MAP4K4: variants seen among roughly 807,000 people sequenced by gnomAD.
MAP4K4 encodes the protein mitogen-activated protein kinase kinase kinase kinase 4, also known as HPK/GCK-like kinase HGK.
In MAP4K4, 38 loss-of-function variants were observed where a neutral mutation model predicts 189.6. That is an observed-to-expected ratio of 0.20 (90% confidence interval 0.15 to 0.26). MAP4K4 has a LOEUF of 0.26. MAP4K4 is among the 10% of genes least tolerant of loss of function. The probability of loss-of-function intolerance (pLI) is 1.00; values close to 1 mark genes in which losing one functional copy is unlikely to be tolerated. For synonymous variants in MAP4K4, 610 were observed against 624.3 expected (o/e 0.98, Z 0.34); for missense variants, 1,054 against 1,726.9 (o/e 0.61, Z 6.91).
At chr2:101,880,933 C>A (rs2098369882) in intron 27 of MAP4K4, among the ~76,000 whole-genome samples, 1 of 152,134 alleles carries the variant, frequency 6.6e-6, no homozygotes, top group Admixed American at 6.6e-5. Context: ...GTCAGTCTTT[C>A]AACTTTGTTC....
In MAP4K4 at chr2:101,859,097, C is replaced by T; in HGVS notation, c.1482+15C>T. 6.2e-7 allele frequency: 1 copy of T among 1,602,854 alleles called. No individual in the cohort carries two copies. Among genetic ancestry groups the T allele is most frequent in the Non-Finnish European group, 8.5e-7 (1 of 1,171,448 alleles). On this transcript the variant is annotated intron_variant, in intron 14 of 32. Coordinates refer to ENST00000324219, the Ensembl canonical transcript of MAP4K4. ...CCATGTTACTGGTAAAGCCCCGCCT[C>T]TGTTTCATTCTGTAGCATCAGGGCT...
intron 28 of MAP4K4, 98 bp from the exon 29 acceptor site, chr2:101,885,089 C>A: frequency 1.9e-6 from 1 of 522,848 alleles, no homozygotes; most frequent in Non-Finnish European, 3.5e-6. Flanking sequence ...GAATAGAAGG[C>A]ATATTTATAA....
chr2:101,698,004 G>T (rs1558977730), exon 1 of MAP4K4: 2 of 1,030,412 alleles, frequency 1.9e-6, no homozygotes, highest in Non-Finnish European at 2.6e-6. Context: ...CGCGGTCGGC[G>T]GCCTGGTCTG....
intron 3 of MAP4K4, 116 bp from the exon 4 acceptor site, chr2:101,823,812 T>G (rs1471500868): frequency 1.2e-6 from 1 of 840,956 alleles, no homozygotes; most frequent in East Asian, 2.9e-5. Context: ...TATATGTGCC[T>G]CTGCTCCTGG....
chr2:101,820,021 AAT>A (rs2095947823), intron 3 of MAP4K4, among the ~76,000 whole-genome samples: 1 of 152,176 alleles, frequency 6.6e-6, no homozygotes. Context: ...TAAGAACTAA[AAT>A]GTGTGCTTGA....
At chr2:101,803,549 T>C (rs1575824918) in intron 3 of MAP4K4, among the ~76,000 whole-genome samples, 1 of 152,192 alleles carries the variant, frequency 6.6e-6, no homozygotes, top group African/African-American at 2.4e-5. Flanking sequence ...CAATAACTGC[T>C]TTCCAGTTTA....
In MAP4K4 at chr2:101,824,069, C is replaced by T. The variant is rs754756039; in HGVS notation, c.306+16C>T. ...CCAACTCTGGGTAGGTGGATGTTTC[C>T]TGAGCATTTGTGGGCATTCCATTTG... On this transcript the variant is annotated intron_variant, in intron 4 of 32. Transcript: ENST00000324219. 1 of 1,301,076 alleles carries T rather than the reference C, an allele frequency of 7.7e-7. No homozygotes were observed. The highest frequency in any genetic ancestry group is 1.0e-6 in the Non-Finnish European group (1 of 1,002,242). The allele number at this position is 1,301,076 out of a possible 1,614,324, so 80.6% of individuals were successfully genotyped here. A position where few individuals can be genotyped will look rare whatever the true frequency, so the allele number is the denominator to read the frequency against.
intron 2 of MAP4K4, among the ~76,000 whole-genome samples, chr2:101,699,858 AAGAG>A (rs2037267511): frequency 6.6e-6 from 1 of 152,202 alleles, no homozygotes; most frequent in Admixed American, 6.5e-5. Flanking sequence ...TTGAATTTGA[AAGAG>A]AGCCCCGTTA....
At chr2:101,789,141 A>G (rs965673437) in intron 2 of MAP4K4, among the ~76,000 whole-genome samples, 2 of 152,192 alleles carry the variant, frequency 1.3e-5, no homozygotes, top group African/African-American at 4.8e-5. Context: ...TTTGGAAATA[A>G]ACTCACTGCA....
At chr2:101,702,228 G>C (rs2039245908) in intron 2 of MAP4K4, among the ~76,000 whole-genome samples, 1 of 152,080 alleles carries the variant, frequency 6.6e-6, no homozygotes, top group South Asian at 2.1e-4. Context: ...CTGTTATTTT[G>C]CATTTTGTGA....
chr2:101,725,629 G>A (rs1047170601), intron 2 of MAP4K4, among the ~76,000 whole-genome samples: 1 of 152,178 alleles, frequency 6.6e-6, no homozygotes, highest in African/African-American at 2.4e-5. Context: ...TGAGTGGAAT[G>A]TCATGATGGC....
chr2:101,822,724 C>T (rs771222740), intron 3 of MAP4K4, among the ~76,000 whole-genome samples: 16 of 152,216 alleles, frequency 1.1e-4, no homozygotes, highest in Non-Finnish European at 1.6e-4. Flanking sequence ...CGTACACACA[C>T]GTCTAGGCTA....
intron 2 of MAP4K4, among the ~76,000 whole-genome samples, chr2:101,715,762 T>C (rs1286107550): frequency 6.6e-6 from 1 of 152,174 alleles, no homozygotes; most frequent in Non-Finnish European, 1.5e-5. Context: ...ACTTCTGAGT[T>C]TCAGACAAGT....
At chr2:101,767,303 A>C (rs1286861929) in intron 2 of MAP4K4, among the ~76,000 whole-genome samples, 1 of 152,164 alleles carries the variant, frequency 6.6e-6, no homozygotes, top group Non-Finnish European at 1.5e-5. Context: ...ACATACTTGC[A>C]AATATGTTAT....
At chr2:101,746,521 C>G (rs183492383) in intron 2 of MAP4K4, among the ~76,000 whole-genome samples, 122 of 152,142 alleles carry the variant, frequency 8.0e-4, no homozygotes, top group African/African-American at 2.8e-3. Flanking sequence ...GAGTCACAGA[C>G]AGGAAGCTGA....
intron 2 of MAP4K4, among the ~76,000 whole-genome samples, chr2:101,723,666 G>A (rs2149475232): frequency 6.6e-6 from 1 of 152,290 alleles, no homozygotes; most frequent in South Asian, 2.1e-4. Flanking sequence ...TTGAAGGTTT[G>A]AAGTATTAAC....
At chr2:101,864,759 C>T (rs1471350393) in intron 17 of MAP4K4, among the ~76,000 whole-genome samples, 171 bp from the exon 18 acceptor site, 1 of 152,132 alleles carries the variant, frequency 6.6e-6, no homozygotes, top group African/African-American at 2.4e-5. Context: ...TAAATTTTCT[C>T]TCCGATTGTA....
At chr2:101,854,552 A>G (rs2097387799) in intron 12 of MAP4K4, among the ~76,000 whole-genome samples, 2 of 152,188 alleles carry the variant, frequency 1.3e-5, no homozygotes, top group African/African-American at 4.8e-5. Context: ...GGACTACCAA[A>G]TCATCGTTGC....
At chr2:101,776,855 A>T (rs1252148370) in intron 2 of MAP4K4, among the ~76,000 whole-genome samples, 1 of 152,138 alleles carries the variant, frequency 6.6e-6, no homozygotes, top group Non-Finnish European at 1.5e-5. Context: ...CAATCTCATA[A>T]CCCAAATAAC....
Sources: gnomAD v4.1 joint callset for allele counts (sites outside exome capture counted in the v4.1 genomes callset) on GRCh38, gnomAD v4.1.1 for gene constraint, MANE v1.5 for transcripts, NCBI Gene and HGNC (gene_info 2026-07-23, HGNC 2026-07-21) for gene names.